Variants in EFL1 observed in about 807,000 individuals in gnomAD.
EFL1 encodes elongation factor-like GTPase 1.
Under a neutral mutation model 126.7 loss-of-function variants are expected in EFL1, and 76 were observed. That is an observed-to-expected ratio of 0.60 (90% CI 0.50 to 0.73). The LOEUF (loss-of-function observed/expected upper bound fraction) is 0.73. Among genes scored for constraint, EFL1 ranks in the 30% least tolerant of loss-of-function variants. The pLI, the probability that EFL1 is intolerant of heterozygous loss-of-function variation, is 0.00. For synonymous variants in EFL1, 410 were observed against 448.4 expected, an observed-to-expected ratio of 0.91 and a Z score of 1.08; for missense variants, 1,128 against 1,343.2, an observed-to-expected ratio of 0.84 and a Z score of 2.50.
At chr15:82,228,062 CTAAA>C (rs2074782742) in intron 10 of EFL1, 125 bp downstream of exon 10, 1 of 1,181,000 alleles carries the variant, frequency 8.5e-7, no homozygotes, top group Non-Finnish European at 1.2e-6. Context: ...TGGTAGAACA[CTAAA>C]TAAGCAGAGA....
chr15:82,219,944 CA>C lies in EFL1; in HGVS notation c.1445-127del, dbSNP rs1355041165. The C allele has an allele frequency of 6.1e-6, 9 of 1,483,210 alleles. No homozygotes were observed. In the Admixed American group the frequency reaches 1.7e-4, roughly 28 times the overall value. The allele number at this position is 1,483,210 out of a possible 1,614,324, so 91.9% of individuals were successfully genotyped here. ...TTTCAGGAAAAAAAAGAAAACAAAA[CA>C]AAACAAGAATGGAAAGAATATTGAT... On this transcript the variant is annotated intron_variant, in intron 13 of 19. Coordinates refer to ENST00000268206, the MANE Select transcript of EFL1 (RefSeq NM_024580.6).
chr15:82,253,539 T>C (rs1276781469), intron 3 of EFL1, among the ~76,000 whole-genome samples: 1 of 152,106 alleles, frequency 6.6e-6, no homozygotes, highest in Non-Finnish European at 1.5e-5. Flanking sequence ...TTACGGACAG[T>C]AGCATTTGAG....
Position 82,157,665 on chromosome 15 carries a change from C to A in EFL1, c.2030+48G>T, listed in dbSNP as rs540791285. Reference sequence around the variant, plus strand: ...TGGTTTAGGAAACACTAAAACATCCCATTGATTGAGAGCTATCATTTCTCC... The same window carrying A: ...TGGTTTAGGAAACACTAAAACATCCAATTGATTGAGAGCTATCATTTCTCC... On this transcript the variant is annotated intron_variant, in intron 17 of 19. Transcript: ENST00000268206. 4 of 1,567,394 alleles carry A rather than the reference C, an allele frequency of 2.6e-6. No individual in the cohort carries two copies. In the East Asian group the frequency reaches 6.8e-5, roughly 27 times the overall value.
intron 15 of EFL1, among the ~76,000 whole-genome samples, chr15:82,207,759 C>CA (rs1377529839): frequency 2.1e-5 from 3 of 142,298 alleles, no homozygotes; most frequent in African/African-American, 8.1e-5. Flanking sequence ...TCGCTCTTGT[C>CA]ACCCAGGCTG....
Position 82,152,249 on chromosome 15 carries a change from G to A in EFL1, c.2205C>T (p.Asp735=). The A allele has an allele frequency of 6.2e-7, 1 of 1,614,216 alleles. No homozygotes were observed. The highest frequency in any genetic ancestry group is 8.5e-7 in the Non-Finnish European group (1 of 1,180,038). The part of the protein sequence containing the change: ...QSKIPEGIQV[D]SDGLITITTP... ...TTGTTATGGTGATTAGCCCGTCAGA[G>A]TCAACTTGGATTCCTTCAGGGATTT... The change falls in exon 18 of 20, where the codon GAC becomes GAT. Residue 735 remains aspartate, a synonymous_variant. Coordinates refer to ENST00000268206, the MANE Select transcript of EFL1 (RefSeq NM_024580.6).
At chr15:82,162,486 C>T (rs112585198) in intron 16 of EFL1, among the ~76,000 whole-genome samples, 8 of 152,180 alleles carry the variant, frequency 5.3e-5, no homozygotes, top group Middle Eastern at 3.4e-3. Flanking sequence ...GGATTGAACA[C>T]GGTAGACAGG....
At chr15:82,191,326 A>G (rs1350762883) in intron 15 of EFL1, among the ~76,000 whole-genome samples, 2 of 152,178 alleles carry the variant, frequency 1.3e-5, no homozygotes, top group Non-Finnish European at 2.9e-5. Flanking sequence ...CATCACTCAA[A>G]TGTAGCCTAT....
At chr15:82,180,361 A>C (rs1567052831) in intron 15 of EFL1, among the ~76,000 whole-genome samples, 2 of 47,108 alleles carry the variant, frequency 4.2e-5, no homozygotes, top group African/African-American at 4.8e-4. Context: ...TAAACTGGCA[A>C]AAAAAAAAAA....
intron 2 of EFL1, among the ~76,000 whole-genome samples, chr15:82,259,644 C>T (rs2075095918): frequency 1.3e-5 from 2 of 152,062 alleles, no homozygotes; most frequent in African/African-American, 2.4e-5. Context: ...AAAGAATCTT[C>T]GAATATATTT....
intron 19 of EFL1, among the ~76,000 whole-genome samples, chr15:82,131,618 C>T (rs1273970315): frequency 2.0e-5 from 3 of 151,656 alleles, no homozygotes; most frequent in Non-Finnish European, 4.4e-5. Context: ...TGGAGAAACC[C>T]TGTCTCTACT....
intron 15 of EFL1, among the ~76,000 whole-genome samples, chr15:82,188,065 CTT>C (rs1341142404): frequency 1.3e-5 from 2 of 152,098 alleles, no homozygotes; most frequent in Non-Finnish European, 2.9e-5. Flanking sequence ...AAATATAACT[CTT>C]TGTCCTGTTG....
At chr15:82,183,723 T>C (rs752131313) in intron 15 of EFL1, among the ~76,000 whole-genome samples, 2 of 152,222 alleles carry the variant, frequency 1.3e-5, no homozygotes, top group Non-Finnish European at 2.9e-5. Flanking sequence ...CAATAGGCCC[T>C]TGTGTTCTCT....
intron 15 of EFL1, among the ~76,000 whole-genome samples, chr15:82,199,346 T>C (rs28587326): frequency 0.21 from 31,499 of 151,948 alleles, 3,479 homozygotes; most frequent in Non-Finnish European, 0.26. Flanking sequence ...AGAGAGATCC[T>C]GGGCTTCACA....
At chr15:82,135,998 G>C (rs2073717436) in intron 19 of EFL1, among the ~76,000 whole-genome samples, 1 of 152,010 alleles carries the variant, frequency 6.6e-6, no homozygotes, top group South Asian at 2.1e-4. Context: ...AATAATCTCT[G>C]CCTTATTTGA....
chr15:82,157,821 T>C lies in EFL1; in HGVS notation c.1922A>G (p.Asn641Ser), dbSNP rs1456708161. Residue 641 changes from asparagine to serine, a missense_variant, in exon 17 of 20, where the codon AAC becomes AGC. By Grantham distance (46) the Asn-to-Ser change is conservative. Transcript: ENST00000268206. ...AATCTGGACACAGGGATCAGCCTGG[T>C]TTAACAGTTTCATTCCTTTTACGAG... ...PQLVKGMKLL[N>S]QADPCVQILI... 1.2e-6 allele frequency: 2 copies of C among 1,613,882 alleles called. No homozygotes were observed. Among genetic ancestry groups the C allele is most frequent in the Non-Finnish European group, 1.7e-6 (2 of 1,179,896 alleles).
At chr15:82,145,047 T>C (rs1277213751) in intron 18 of EFL1, among the ~76,000 whole-genome samples, 1 of 151,210 alleles carries the variant, frequency 6.6e-6, no homozygotes, top group Non-Finnish European at 1.5e-5. Flanking sequence ...CTCACGTCTG[T>C]AATACCAGCA....
Position 82,138,433 on chromosome 15 carries a change from T to A in EFL1, c.3174+225A>T, listed in dbSNP as rs1204591981. ...GAGAGAGAGAGAGAGAGAGTGTATGTGTGTGTGTGTGTGTGTGTGTGTGTG... is the reference window on the plus strand; with the variant it reads ...GAGAGAGAGAGAGAGAGAGTGTATGAGTGTGTGTGTGTGTGTGTGTGTGTG... On this transcript the variant is annotated intron_variant, in intron 19 of 19. Coordinates refer to ENST00000268206, the MANE Select transcript of EFL1 (RefSeq NM_024580.6). Among the ~76,000 whole-genome samples the A allele has an allele frequency of 7.3e-5, 11 of 150,094 alleles. No homozygotes were observed. In the Middle Eastern group the frequency reaches 0.01, roughly 142 times the overall value.
chr15:82,159,776 T>C (rs773821792), intron 16 of EFL1, among the ~76,000 whole-genome samples: 1 of 152,284 alleles, frequency 6.6e-6, no homozygotes, highest in East Asian at 1.9e-4. Flanking sequence ...CTTTTAATAA[T>C]TGGGAAAATG....
intron 15 of EFL1, among the ~76,000 whole-genome samples, chr15:82,173,712 A>G (rs1173298571): frequency 1.3e-5 from 2 of 152,200 alleles, no homozygotes; most frequent in Non-Finnish European, 2.9e-5. Context: ...AATAAAATAT[A>G]TAAGAAAACA....
Sources: allele counts gnomAD v4.1 joint callset (sites outside exome capture counted in the v4.1 genomes callset), GRCh38; gene constraint gnomAD v4.1.1; transcripts MANE v1.5; gene names NCBI Gene and HGNC (gene_info 2026-07-23, HGNC 2026-07-21).